Variants in RANBP17 observed in about 807,000 individuals in gnomAD.
RANBP17 encodes ran-binding protein 17.
Under a neutral mutation model 141.2 loss-of-function variants are expected in RANBP17, and 158 were observed. The observed-to-expected ratio is 1.12, with a 90% CI of 0.98 to 1.28. RANBP17 has a LOEUF of 1.28. Ranked by LOEUF, RANBP17 falls within the 50% of genes most tolerant of loss-of-function variation. RANBP17 has a pLI of 0.00. For synonymous variants in RANBP17, 430 were observed against 450.0 expected, an observed-to-expected ratio of 0.96 and a Z score of 0.56; for missense variants, 1,438 against 1,290.7, an observed-to-expected ratio of 1.11 and a Z score of -1.75.
intron 14 of RANBP17, among the ~76,000 whole-genome samples, chr5:171,089,539 CG>C (rs981790101): frequency 1.3e-5 from 2 of 151,956 alleles, no homozygotes; most frequent in Non-Finnish European, 2.9e-5. Context: ...TGGGCAATGG[CG>C]GGCGCCCCTC....
chr5:170,896,077 G>A lies in RANBP17; in HGVS notation c.451G>A (p.Val151Ile). The change falls in exon 5 of 28, where the codon GTA becomes ATA. Residue 151 changes from valine (V) to isoleucine (I), a missense_variant. Transcript: ENST00000523189. ...TACTGTGGAACACTGCATAATAGGA[G>A]TAATAATCCTTTCTGAATTGACTCA... The part of the protein sequence containing the change: ...QGTVEHCIIG[V>I]IILSELTQEM... The A allele has an allele frequency of 6.2e-7, 1 of 1,609,394 alleles. No homozygotes were observed. The highest frequency in any genetic ancestry group is 2.2e-5 in the East Asian group (1 of 44,684).
In RANBP17 at chr5:171,089,560, C is replaced by A. The variant is rs931507160; in HGVS notation, c.1711-80570C>A. Among the ~76,000 whole-genome samples, 5 of 151,990 alleles carry A rather than the reference C, an allele frequency of 3.3e-5. No individual in the cohort carries two copies. In the East Asian group the frequency reaches 9.8e-4, roughly 30 times the overall value. On this transcript the variant is annotated intron_variant, in intron 14 of 27. Coordinates refer to ENST00000523189, the MANE Select transcript of RANBP17 (RefSeq NM_022897.5). ...ATGGCGGGCGCCCCTCCCCCGGCCT[C>A]GCTGCTGCCTTGCAGTTTGATCTCA...
chr5:171,075,973 A>G (rs1480756324), intron 14 of RANBP17, among the ~76,000 whole-genome samples: 1 of 152,074 alleles, frequency 6.6e-6, no homozygotes, highest in Admixed American at 6.5e-5. Flanking sequence ...AATTAAAAAA[A>G]CACACTTTAA....
intron 14 of RANBP17, among the ~76,000 whole-genome samples, chr5:171,007,006 T>G (rs1240203773): frequency 6.6e-6 from 1 of 152,300 alleles, no homozygotes; most frequent in South Asian, 2.1e-4. Flanking sequence ...CTCGGGGAAC[T>G]GCTCTCATGC....
At chr5:171,163,509 A>C (rs1759484274) in intron 14 of RANBP17, among the ~76,000 whole-genome samples, 1 of 152,162 alleles carries the variant, frequency 6.6e-6, no homozygotes, top group Admixed American at 6.5e-5. Context: ...TATAGAAAGC[A>C]CTGAATTGAC....
chr5:170,918,661 T>C (rs546844568), intron 9 of RANBP17, 52 bp from the exon 10 acceptor site: 1 of 1,440,710 alleles, frequency 6.9e-7, no homozygotes, highest in East Asian at 2.6e-5. Flanking sequence ...ACTGATTTTA[T>C]TGTCCATAGG....
intron 24 of RANBP17, among the ~76,000 whole-genome samples, chr5:171,265,089 A>G (rs1438550484): frequency 6.6e-6 from 1 of 152,230 alleles, no homozygotes; most frequent in Non-Finnish European, 1.5e-5. Context: ...AGCACTTTGC[A>G]CTAAGTAGAT....
intron 25 of RANBP17, among the ~76,000 whole-genome samples, chr5:171,288,573 G>A (rs765830696): frequency 6.6e-6 from 1 of 152,206 alleles, no homozygotes; most frequent in Non-Finnish European, 1.5e-5. Flanking sequence ...CCTGGTAGCT[G>A]CAGTACCTTG....
Position 171,293,939 on chromosome 5 carries a change from A to G in RANBP17, c.3000A>G (p.Ser1000=). The change falls in exon 26 of 28, where the codon TCA becomes TCG. Residue 1000 remains serine (S), a synonymous_variant. Coordinates refer to ENST00000523189, the MANE Select transcript of RANBP17 (RefSeq NM_022897.5). The part of the protein sequence containing the change: ...IVFEDCRNQW[S]VSRPLLGLIL... ...TTGAAGACTGTCGGAACCAGTGGTC[A>G]GTATCCAGGCCTCTCCTGGGGCTCA... 6.2e-7 allele frequency: 1 copy of G among 1,614,000 alleles called. No homozygotes were observed. Among genetic ancestry groups the G allele is most frequent in the African/African-American group, 1.3e-5 (1 of 75,034 alleles).
intron 14 of RANBP17, among the ~76,000 whole-genome samples, chr5:170,987,541 TAA>T (rs5873249): frequency 4.0e-5 from 6 of 150,554 alleles, no homozygotes; most frequent in African/African-American, 1.5e-4. Flanking sequence ...TAGGCCTTTT[TAA>T]AAAAAAAATA....
At chr5:171,179,646 T>C (rs1760753410) in intron 16 of RANBP17, among the ~76,000 whole-genome samples, 1 of 152,226 alleles carries the variant, frequency 6.6e-6, no homozygotes, top group Non-Finnish European at 1.5e-5. Context: ...TCTAGTACAC[T>C]AATATAATTC....
At chr5:171,279,377 A>C (rs563601895) in intron 25 of RANBP17, among the ~76,000 whole-genome samples, 3 of 152,194 alleles carry the variant, frequency 2.0e-5, no homozygotes, top group African/African-American at 7.2e-5. Flanking sequence ...AGGAAACCCA[A>C]CGTCAAGGGT....
chr5:170,905,276 A>C (rs1282499712), intron 5 of RANBP17, among the ~76,000 whole-genome samples: 1 of 152,118 alleles, frequency 6.6e-6, no homozygotes, highest in Non-Finnish European at 1.5e-5. Context: ...TATGTGGAGT[A>C]ATTTTATAAT....
chr5:171,098,960 C>T (rs1786914691), intron 14 of RANBP17, among the ~76,000 whole-genome samples: 1 of 152,070 alleles, frequency 6.6e-6, no homozygotes, highest in Admixed American at 6.6e-5. Flanking sequence ...TGTTCTGTTC[C>T]ATTTGGTCTA....
At chr5:170,870,181 AC>A (rs1270305439) in intron 1 of RANBP17, among the ~76,000 whole-genome samples, 1 of 151,872 alleles carries the variant, frequency 6.6e-6, no homozygotes, top group Non-Finnish European at 1.5e-5. Flanking sequence ...GGAAAAAGGG[AC>A]CCCTTTTTAT....
rs1186680749 is a variant in RANBP17 at position 170,953,635 on chromosome 5, G to T, written c.1507G>T (p.Val503Leu). 1.2e-6 allele frequency: 2 copies of T among 1,612,046 alleles called. No individual in the cohort carries two copies. The highest frequency in any genetic ancestry group is 1.7e-6 in the Non-Finnish European group (2 of 1,178,500). Reference sequence around the variant, plus strand: ...GCTGGTATACTTAGTTGGGACAGTTGTAGGAGGAAGATTAACATATACCAG... The same window carrying T: ...GCTGGTATACTTAGTTGGGACAGTTTTAGGAGGAAGATTAACATATACCAG... ...AWLVYLVGTVVGGRLTYTSTD... is the reference protein window; with the variant it reads ...AWLVYLVGTVLGGRLTYTSTD... The change falls in exon 13 of 28, where the codon GTA becomes TTA. Residue 503 changes from valine to leucine, a missense_variant. Coordinates refer to ENST00000523189, the MANE Select transcript of RANBP17 (RefSeq NM_022897.5).
chr5:170,980,360 T>TTA (rs887665570), intron 14 of RANBP17, among the ~76,000 whole-genome samples: 58 of 152,314 alleles, frequency 3.8e-4, no homozygotes, highest in African/African-American at 1.3e-3. Flanking sequence ...AAGCTGAATA[T>TTA]TAATCCCCAA....
At position 170,874,650 on chromosome 5, in the gene RANBP17, C is replaced by T. The variant is rs1768024362; in HGVS notation, c.19-3447C>T. Among the ~76,000 whole-genome samples, 5 of 87,450 alleles carry T rather than the reference C, an allele frequency of 5.7e-5. No homozygotes were observed. In the South Asian group the frequency reaches 5.0e-3, roughly 87 times the overall value. 57.4% of individuals were successfully genotyped at this position (87,450 alleles called of 152,430 possible). On this transcript the variant is annotated intron_variant, in intron 1 of 27. Transcript: ENST00000523189. ...TTGTCAGAAACTAGGATTTTAACCCCTGCTTTTTTTTTTGCTTTCCATTTG... is the reference window on the plus strand; with the variant it reads ...TTGTCAGAAACTAGGATTTTAACCCTTGCTTTTTTTTTTGCTTTCCATTTG...
chr5:170,933,144 G>T (rs1053656478), intron 12 of RANBP17, among the ~76,000 whole-genome samples: 1 of 152,096 alleles, frequency 6.6e-6, no homozygotes, highest in Non-Finnish European at 1.5e-5. Flanking sequence ...TCTTGGGAGG[G>T]TGTATGTGTC....
Sources: allele counts gnomAD v4.1 joint callset (sites outside exome capture counted in the v4.1 genomes callset), GRCh38; gene constraint gnomAD v4.1.1; transcripts MANE v1.5; gene names NCBI Gene and HGNC (gene_info 2026-07-23, HGNC 2026-07-21).